The following MAGI1 variants were observed in gnomAD, a reference collection of about 807,000 sequenced individuals.
The protein encoded by MAGI1 is membrane associated guanylate kinase, WW and PDZ domain containing 1.
A neutral mutation model predicts 139.9 loss-of-function variants in MAGI1; 58 were observed. The ratio of observed to expected loss-of-function variants is 0.41; its 90% CI spans 0.34 to 0.52. The LOEUF (loss-of-function observed/expected upper bound fraction) is 0.52. MAGI1 is among the 20% of genes least tolerant of loss of function. The probability of loss-of-function intolerance (pLI) is 0.12; values close to 1 mark genes in which losing one functional copy is unlikely to be tolerated. For missense variants in MAGI1, 1,874 were observed against 1,901.6 expected (o/e 0.99, Z 0.27); for synonymous variants, 812 against 737.9 (o/e 1.10, Z -1.63).
chr3:65,452,126 TAAAAC>T (rs1559565192), intron 6 of MAGI1, among the ~76,000 whole-genome samples: 1 of 902 alleles, frequency 1.1e-3, no homozygotes, highest in African/African-American at 4.5e-3. Context: ...GCAACCAAGA[TAAAAC>T]AAAGCAACCA....
chr3:65,707,762 A>G (rs1327425783), intron 1 of MAGI1, among the ~76,000 whole-genome samples: 1 of 152,084 alleles, frequency 6.6e-6, no homozygotes, highest in African/African-American at 2.4e-5. Flanking sequence ...ACAAAGATAA[A>G]AAGATATTTC....
At chr3:65,744,658 AATG>A (rs113640931) in intron 1 of MAGI1, among the ~76,000 whole-genome samples, 231 of 152,274 alleles carry the variant, frequency 1.5e-3, no homozygotes, top group African/African-American at 5.0e-3. Flanking sequence ...TCCTAATTTC[AATG>A]ATAAGAAAGA....
chr3:65,521,514 T>C (rs944460622), intron 2 of MAGI1, among the ~76,000 whole-genome samples: 6 of 152,206 alleles, frequency 3.9e-5, no homozygotes, highest in African/African-American at 4.8e-5. Flanking sequence ...TTATGAAATA[T>C]AGATTTCAGG....
chr3:65,466,321 A>AT (rs1950171428), intron 5 of MAGI1, among the ~76,000 whole-genome samples: 1 of 151,822 alleles, frequency 6.6e-6, no homozygotes, highest in East Asian at 2.0e-4. Flanking sequence ...ATTAACATGG[A>AT]TTTTTTGGTA....
At chr3:65,926,327 TTC>T (rs377665681) in intron 1 of MAGI1, among the ~76,000 whole-genome samples, 4,814 of 115,592 alleles carry the variant, frequency 0.042, 113 homozygotes, top group Admixed American at 0.083. Context: ...AAGTCTTCTT[TTC>T]TCTCTCTCTC....
At chr3:65,443,682 G>T (rs4322945) in intron 7 of MAGI1, among the ~76,000 whole-genome samples, 107,337 of 151,670 alleles carry the variant, frequency 0.71, 38,249 homozygotes, top group East Asian at 0.95. Flanking sequence ...TAGGTTGTGG[G>T]TTTTTTTTGT....
rs1553690349 is a variant in MAGI1 at position 65,680,760 on chromosome 3, A to AATGATATGATATGATATGAT, written c.314-58692_314-58673dup. On this transcript the variant is annotated intron_variant, in intron 1 of 22. Coordinates refer to ENST00000402939, the MANE Select transcript of MAGI1 (RefSeq NM_001033057.2). ...CAGCCAGCACTTCAAATAATATAAT[A>AATGATATGATATGATATGAT]ATGATATGATATGATATGATATGAT... 2.8e-3 allele frequency among the ~76,000 whole-genome samples: 372 copies of AATGATATGATATGATATGAT among 135,148 alleles called. 2 individuals carry two copies. Among genetic ancestry groups the AATGATATGATATGATATGAT allele is most frequent in the African/African-American group, 4.0e-3 (107 of 26,974 alleles). 88.7% of individuals were successfully genotyped at this position (135,148 alleles called of 152,430 possible).
chr3:65,796,013 T>C (rs1013014016), intron 1 of MAGI1, among the ~76,000 whole-genome samples: 22 of 142,150 alleles, frequency 1.5e-4, no homozygotes, highest in African/African-American at 5.6e-4. Context: ...ATCGTGCCAC[T>C]GCACTCCAGC....
intron 12 of MAGI1, among the ~76,000 whole-genome samples, chr3:65,428,362 C>T (rs1026380492): frequency 5.3e-5 from 8 of 152,138 alleles, no homozygotes; most frequent in Admixed American, 1.3e-4. Context: ...CAAGACACTT[C>T]AATATGGTGG....
chr3:65,657,959 T>G (rs1357716104), intron 1 of MAGI1, among the ~76,000 whole-genome samples: 1 of 152,206 alleles, frequency 6.6e-6, no homozygotes, highest in African/African-American at 2.4e-5. Context: ...ATTGAAATAA[T>G]GTGTGTGAAA....
chr3:65,712,513 G>GTTT (rs2031610104), intron 1 of MAGI1, among the ~76,000 whole-genome samples: 3 of 142,436 alleles, frequency 2.1e-5, no homozygotes, highest in African/African-American at 7.6e-5. Flanking sequence ...TTTTGTTTTT[G>GTTT]TTGTTGTTGT....
intron 14 of MAGI1, chr3:65,387,191 C>A (rs201645519): frequency 3.5e-5 from 57 of 1,613,902 alleles, no homozygotes; most frequent in Non-Finnish European, 4.3e-5. Flanking sequence ...TCTCTCTCAC[C>A]CTTGCTCAAT....
In MAGI1 at chr3:65,427,104, G is replaced by A. The variant is rs530211596; in HGVS notation, c.2167+2416C>T. Among the ~76,000 whole-genome samples the A allele has an allele frequency of 1.1e-4, 17 of 152,178 alleles. No individual in the cohort carries two copies. The East Asian group carries it at 1.7e-3, about 16-fold the overall frequency. ...CGAGGCAGGTGGATCCCTTGAGCGC[G>A]GGAGTTCGAGACCAGCATGGGTAAC... is the stretch of plus-strand genomic sequence containing the variant. On this transcript the variant is annotated intron_variant, in intron 12 of 22. Coordinates refer to ENST00000402939, the MANE Select transcript of MAGI1 (RefSeq NM_001033057.2).
chr3:65,357,168 C>G (rs776845864), intron 22 of MAGI1, 36 bp from the exon 23 acceptor site: 1 of 1,567,264 alleles, frequency 6.4e-7, no homozygotes, highest in Non-Finnish European at 8.6e-7. Flanking sequence ...CAGTTGGGTA[C>G]GAAGGTCCCT....
intron 10 of MAGI1, 36 bp from the exon 11 acceptor site, chr3:65,430,917 C>A (rs1050189672): frequency 2.5e-6 from 4 of 1,586,920 alleles, no homozygotes; most frequent in Admixed American, 3.4e-5. Flanking sequence ...GGAATGTCAC[C>A]ACTGGTGAAA....
At chr3:65,923,351 G>A (rs1260657765) in intron 1 of MAGI1, among the ~76,000 whole-genome samples, 2 of 150,604 alleles carry the variant, frequency 1.3e-5, no homozygotes, top group African/African-American at 4.9e-5. Context: ...TCAGTCTCCC[G>A]AGTAGCTAGG....
chr3:66,007,924 T>C (rs1307735834), intron 1 of MAGI1, among the ~76,000 whole-genome samples: 1 of 135,548 alleles, frequency 7.4e-6, no homozygotes, highest in East Asian at 2.1e-4. Context: ...GGACATAGAG[T>C]CTCACTCTGT....
chr3:65,430,036 C>G lies in MAGI1; in HGVS notation c.1651G>C (p.Glu551Gln), dbSNP rs765802964. The G allele has an allele frequency of 1.9e-6, 3 of 1,613,934 alleles. No individual in the cohort carries two copies. Among genetic ancestry groups the G allele is most frequent in the East Asian group, 4.5e-5 (2 of 44,842 alleles). Reference sequence around the variant, plus strand: ...GGCAATGGATAACCTCGGCAGAGTTCAAGGTCCACGCTGGCACCAATGGGG... The same window carrying G: ...GGCAATGGATAACCTCGGCAGAGTTGAAGGTCCACGCTGGCACCAATGGGG... ...SIPIGASVDL[E>Q]LCRGYPLPFD... Residue 551 changes from glutamate (E) to glutamine (Q), a missense_variant, in exon 12 of 23, where the codon GAA (glutamate) becomes CAA (glutamine). Glu to Gln is a conservative substitution (Grantham distance 29). Around this residue, in one of 5 missense-constraint regions of MAGI1, gnomAD observed 86 missense variants for 130.0 expected, o/e 0.66. Coordinates refer to ENST00000402939, the MANE Select transcript of MAGI1 (RefSeq NM_001033057.2).
chr3:65,496,931 AT>A, intron 2 of MAGI1, among the ~76,000 whole-genome samples: 1 of 152,340 alleles, frequency 6.6e-6, no homozygotes, highest in Admixed American at 6.5e-5. Flanking sequence ...GAAAGACAGA[AT>A]AAAGACAGAA....
Sources: gnomAD v4.1 joint callset for allele counts (sites outside exome capture counted in the v4.1 genomes callset) on GRCh38, gnomAD v4.1.1 for gene constraint, gnomAD v4.1.1 regional missense constraint, MANE v1.5 for transcripts, NCBI Gene and HGNC (gene_info 2026-07-23, HGNC 2026-07-21) for gene names.